ABCD3: variants seen among roughly 807,000 people sequenced by gnomAD.
The protein encoded by ABCD3 is ATP-binding cassette sub-family D member 3.
In ABCD3, 41 loss-of-function variants were observed where a neutral mutation model predicts 105.5. The ratio of observed to expected loss-of-function variants is 0.39; its 90% CI spans 0.30 to 0.50. The LOEUF (loss-of-function observed/expected upper bound fraction) is 0.50. ABCD3 is among the 20% of genes least tolerant of loss of function. ABCD3 has a pLI of 0.84. For synonymous variants in ABCD3, 258 were observed against 269.0 expected (o/e 0.96, Z 0.40); for missense variants, 622 against 806.3 (o/e 0.77, Z 2.77).
intron 1 of ABCD3, chr1:94,419,339 C>T (rs576802257): frequency 1.0e-6 from 1 of 985,316 alleles, no homozygotes; most frequent in Non-Finnish European, 1.2e-6. Context: ...GATCAAGCTC[C>T]TTTTTAATGA....
intron 1 of ABCD3, among the ~76,000 whole-genome samples, chr1:94,424,634 C>T (rs936822354): frequency 6.6e-6 from 1 of 152,092 alleles, no homozygotes; most frequent in Non-Finnish European, 1.5e-5. Flanking sequence ...CCAGGCTGGT[C>T]TCGAACTCCT....
At chr1:94,426,808 G>A (rs1245982660) in intron 1 of ABCD3, among the ~76,000 whole-genome samples, 2 of 149,770 alleles carry the variant, frequency 1.3e-5, no homozygotes, top group African/African-American at 4.9e-5. Flanking sequence ...GCCTCCCAAA[G>A]TGCTGGGATT....
chr1:94,483,999 G>C (rs371621816), intron 10 of ABCD3, among the ~76,000 whole-genome samples: 10 of 152,222 alleles, frequency 6.6e-5, no homozygotes, highest in South Asian at 4.1e-4. Context: ...AGACACTTCT[G>C]AAAAGAAGAC....
chr1:94,397,437 C>A, the ABCD3 span, among the ~76,000 whole-genome samples: 1 of 152,230 alleles, frequency 6.6e-6, no homozygotes, highest in Non-Finnish European at 1.5e-5. Flanking sequence ...ATGAACTTGA[C>A]ACTTTTGAAG....
intron 1 of ABCD3, among the ~76,000 whole-genome samples, chr1:94,444,148 A>G (rs1660247839): frequency 1.3e-5 from 2 of 151,996 alleles, no homozygotes; most frequent in Non-Finnish European, 1.5e-5. Flanking sequence ...CCTGGCCAAC[A>G]TGGTGAAACC....
chr1:94,392,818 A>G, the ABCD3 span, among the ~76,000 whole-genome samples: 265 of 152,288 alleles, frequency 1.7e-3, 4 homozygotes, highest in Non-Finnish European at 9.4e-4. Context: ...TCTGTCTAGA[A>G]AAGTCTTATT....
chr1:94,445,599 C>G (rs913590420), intron 1 of ABCD3, among the ~76,000 whole-genome samples: 1 of 152,100 alleles, frequency 6.6e-6, no homozygotes, highest in Admixed American at 6.5e-5. Flanking sequence ...CCTCCTGCAC[C>G]CCCTCCTTAT....
chr1:94,447,646 A>G (rs994432610), intron 1 of ABCD3, among the ~76,000 whole-genome samples: 1 of 152,238 alleles, frequency 6.6e-6, no homozygotes, highest in Non-Finnish European at 1.5e-5. Flanking sequence ...TATATGGACA[A>G]TATAATTTGT....
chr1:94,474,199 T>G (rs1295511589), intron 5 of ABCD3, among the ~76,000 whole-genome samples: 1 of 144,398 alleles, frequency 6.9e-6, no homozygotes, highest in East Asian at 2.1e-4. Flanking sequence ...CAGAAATGAT[T>G]CCAGTCATTG....
At position 94,472,415 on chromosome 1, in the gene ABCD3, C is replaced by T. The variant is rs528595586; in HGVS notation, c.336-1351C>T. Among the ~76,000 whole-genome samples the T allele has an allele frequency of 1.3e-5, 2 of 148,538 alleles. 1 individual carries two copies. The highest frequency in any genetic ancestry group is 4.2e-4 in the South Asian group (2 of 4,746). ...GTAATATTCTTATTGCTATAAACAA[C>T]ATTTTTGTGTGGTTCTATTTAACTT... On this transcript the variant is annotated intron_variant, in intron 4 of 22. Coordinates refer to ENST00000370214, the MANE Select transcript of ABCD3 (RefSeq NM_002858.4).
At chr1:94,405,606 C>A in the ABCD3 span, among the ~76,000 whole-genome samples, 1 of 152,128 alleles carries the variant, frequency 6.6e-6, no homozygotes, top group Non-Finnish European at 1.5e-5. Context: ...CATTATCAAG[C>A]TTTTGAATTT....
intron 1 of ABCD3, among the ~76,000 whole-genome samples, chr1:94,442,654 G>A (rs1260865893): frequency 6.6e-6 from 1 of 152,088 alleles, no homozygotes; most frequent in Non-Finnish European, 1.5e-5. Context: ...TGCAGTGTCT[G>A]TTATTCCACT....
intron 20 of ABCD3, among the ~76,000 whole-genome samples, chr1:94,506,102 A>C (rs1353578543): frequency 6.6e-6 from 1 of 152,216 alleles, no homozygotes; most frequent in East Asian, 1.9e-4. Flanking sequence ...AGGTACAATA[A>C]AAATTATTGG....
chr1:94,506,472 T>C (rs1352204165), intron 20 of ABCD3, 66 bp from the exon 21 acceptor site: 2 of 912,234 alleles, frequency 2.2e-6, no homozygotes, highest in Non-Finnish European at 3.6e-6. Flanking sequence ...TTAACATAAG[T>C]TTGTTTCGGC....
At chr1:94,469,026 A>G (rs1440636223) in intron 4 of ABCD3, among the ~76,000 whole-genome samples, 1 of 152,210 alleles carries the variant, frequency 6.6e-6, no homozygotes, top group Non-Finnish European at 1.5e-5. Context: ...ATATGAATGT[A>G]ACTTTAAAAG....
chr1:94,433,494 C>G (rs1202454056), intron 1 of ABCD3, among the ~76,000 whole-genome samples: 1 of 151,908 alleles, frequency 6.6e-6, no homozygotes, highest in Non-Finnish European at 1.5e-5. Context: ...TCATAGAGTG[C>G]ACTTATACAA....
chr1:94,388,044 A>G, the ABCD3 span, among the ~76,000 whole-genome samples: 1 of 152,196 alleles, frequency 6.6e-6, no homozygotes, highest in Non-Finnish European at 1.5e-5. Flanking sequence ...CAAAGCCCAC[A>G]CTGCTCTTCA....
chr1:94,427,675 A>G (rs187170008), intron 1 of ABCD3, among the ~76,000 whole-genome samples: 4 of 152,308 alleles, frequency 2.6e-5, no homozygotes, highest in South Asian at 2.1e-4. Flanking sequence ...GTATTTCACT[A>G]TGTTGACCAG....
chr1:94,394,315 G>A, the ABCD3 span, among the ~76,000 whole-genome samples: 1 of 152,162 alleles, frequency 6.6e-6, no homozygotes, highest in Non-Finnish European at 1.5e-5. Flanking sequence ...GACAGAATAG[G>A]AGAGTTGACA....
Sources: gnomAD v4.1 joint callset for allele counts (sites outside exome capture counted in the v4.1 genomes callset) on GRCh38, gnomAD v4.1.1 for gene constraint, MANE v1.5 for transcripts, NCBI Gene and HGNC (gene_info 2026-07-23, HGNC 2026-07-21) for gene names.